JCAD: variants seen among roughly 807,000 people sequenced by gnomAD.
The protein encoded by JCAD is junctional cadherin 5-associated protein.
In JCAD, 40 loss-of-function variants were observed where a neutral mutation model predicts 98.0. That is an observed-to-expected ratio of 0.41 (90% CI 0.32 to 0.53). JCAD has a LOEUF of 0.53. Ranked by LOEUF, JCAD falls within the 20% of genes least tolerant of loss-of-function variation. JCAD has a pLI of 0.31. For synonymous variants in JCAD, 691 were observed against 682.3 expected, an observed-to-expected ratio of 1.01 and a Z score of -0.20; for missense variants, 1,705 against 1,738.1, an observed-to-expected ratio of 0.98 and a Z score of 0.34.
At chr10:30,090,092 C>T (rs1048862189) in intron 1 of JCAD, among the ~76,000 whole-genome samples, 3 of 152,188 alleles carry the variant, frequency 2.0e-5, no homozygotes, top group African/African-American at 7.2e-5. Flanking sequence ...ACCCAAACAG[C>T]TGCTGGGCTC....
intron 3 of JCAD, among the ~76,000 whole-genome samples, chr10:30,025,669 C>T (rs1836774719): frequency 6.6e-6 from 1 of 151,370 alleles, no homozygotes; most frequent in Admixed American, 6.6e-5. Flanking sequence ...CTACTGATCA[C>T]CTGAGCTCAG....
intron 1 of JCAD, among the ~76,000 whole-genome samples, chr10:30,098,201 A>G (rs964342959): frequency 1.3e-5 from 2 of 152,134 alleles, no homozygotes; most frequent in African/African-American, 2.4e-5. Flanking sequence ...GCCTCAGTTT[A>G]TATGACTTCT....
chr10:30,027,521 T>A lies in JCAD; in HGVS notation c.2627A>T (p.Gln876Leu). 1.9e-6 allele frequency: 3 copies of A among 1,612,326 alleles called. No individual in the cohort carries two copies. Among genetic ancestry groups the A allele is most frequent in the East Asian group, 2.2e-5 (1 of 44,884 alleles). Reference sequence around the variant, plus strand: ...GTTTCCGCGGAAGCCCACATCCTCCTGTCTGCAGTGAGCACGGTTCTCCTG... The same window carrying A: ...GTTTCCGCGGAAGCCCACATCCTCCAGTCTGCAGTGAGCACGGTTCTCCTG... ...PQQENRAHCR[Q>L]EDVGFRGNSP... Residue 876 changes from glutamine to leucine, a missense_variant, in exon 3 of 4, where the codon CAG becomes CTG. By Grantham distance (113) the Gln-to-Leu change is moderately radical. Around this residue, in one of 3 missense-constraint regions of JCAD, gnomAD observed 1,278 missense variants for 1,243.1 expected, o/e 1.03. Transcript: ENST00000375377.
chr10:30,105,278 G>T (rs898067387), intron 1 of JCAD, among the ~76,000 whole-genome samples: 13 of 152,056 alleles, frequency 8.5e-5, no homozygotes. Context: ...GAGATTGACT[G>T]TGCTGTCACC....
chr10:30,089,542 G>T (rs1027573201), intron 1 of JCAD, among the ~76,000 whole-genome samples: 3 of 151,794 alleles, frequency 2.0e-5, no homozygotes, highest in Non-Finnish European at 4.4e-5. Flanking sequence ...GTGTGTGTGT[G>T]TGTGTGTGTT....
intron 1 of JCAD, among the ~76,000 whole-genome samples, chr10:30,089,425 A>G (rs2132693207): frequency 6.6e-6 from 1 of 152,132 alleles, no homozygotes; most frequent in South Asian, 2.1e-4. Context: ...CCCATTTGGC[A>G]GTCACTTGCA....
chr10:30,017,511 G>C lies in JCAD; in HGVS notation c.*372C>G. The C allele has an allele frequency of 3.0e-6, 1 of 328,968 alleles. No individual in the cohort carries two copies. 20.4% of individuals were successfully genotyped at this position (328,968 alleles called of 1,614,324 possible). On this transcript the variant is annotated 3_prime_UTR_variant, in exon 4 of 4. Transcript: ENST00000375377. ...ACAGAGGGGAGCACACCATTCACAG[G>C]CCTTTCCAAAGCATTTGCTAGATCT...
At chr10:30,079,167 T>C (rs2132680306) in intron 1 of JCAD, among the ~76,000 whole-genome samples, 1 of 151,950 alleles carries the variant, frequency 6.6e-6, no homozygotes, top group South Asian at 2.1e-4. Flanking sequence ...GAGACCACGG[T>C]GAAACCCCGT....
At chr10:30,091,529 T>G (rs909302912) in intron 1 of JCAD, among the ~76,000 whole-genome samples, 9 of 152,110 alleles carry the variant, frequency 5.9e-5, no homozygotes, top group African/African-American at 2.2e-4. Context: ...CCTCAATAAC[T>G]ATATTTTAAA....
chr10:30,076,601 C>A (rs1034339800), intron 1 of JCAD, among the ~76,000 whole-genome samples: 1 of 149,994 alleles, frequency 6.7e-6, no homozygotes, highest in African/African-American at 2.4e-5. Flanking sequence ...CAGAAAGGGG[C>A]GGTGTCCCAG....
rs750882260 is a variant in JCAD, at chr10:30,029,227, T to C, written c.921A>G (p.Gly307=). ...SYSSHQQSRG[G]ADSSDSQDSQ... is the part of the protein sequence containing the mutation. ...TGTCCTGAGAGTCACTGCTGTCCGC[T>C]CCTCCCCTAGACTGCTGGTGCGAGC... Residue 307 remains glycine (G), a synonymous_variant, in exon 3 of 4, where the codon GGA becomes GGG. Transcript: ENST00000375377. 4.3e-6 allele frequency: 7 copies of C among 1,613,804 alleles called. No individual in the cohort carries two copies.
intron 3 of JCAD, among the ~76,000 whole-genome samples, chr10:30,022,646 A>AG (rs1836687090): frequency 6.6e-6 from 1 of 152,224 alleles, no homozygotes; most frequent in South Asian, 2.1e-4. Flanking sequence ...GGGCCACCTG[A>AG]GCAAAACAAA....
In JCAD at chr10:30,027,445, G is replaced by A. The variant is rs373825944; in HGVS notation, c.2703C>T (p.Ser901=). The change falls in exon 3 of 4, where the codon AGC becomes AGT. Residue 901 remains serine (S), a synonymous_variant. Coordinates refer to ENST00000375377, the MANE Select transcript of JCAD (RefSeq NM_020848.4). ...EPQPRMWVPE[S]PVCRSGRGES... is the part of the protein sequence containing the mutation. ...CACCTCTTCCCGACCTACACACAGG[G>A]CTCTCCGGCACCCACATCCTCGGCT... 3.7e-6 allele frequency: 6 copies of A among 1,604,584 alleles called. No individual in the cohort carries two copies. The highest frequency in any genetic ancestry group is 5.1e-6 in the Non-Finnish European group (6 of 1,179,980).
intron 1 of JCAD, among the ~76,000 whole-genome samples, chr10:30,070,726 A>G (rs1218302474): frequency 6.6e-6 from 1 of 152,200 alleles, no homozygotes; most frequent in East Asian, 1.9e-4. Flanking sequence ...ACATCTTGGA[A>G]CAAACGCTAT....
intron 1 of JCAD, among the ~76,000 whole-genome samples, chr10:30,109,747 G>A (rs1838654263): frequency 6.6e-6 from 1 of 152,160 alleles, no homozygotes; most frequent in African/African-American, 2.4e-5. Context: ...ATAGGCCCCC[G>A]ATGTATGGAC....
intron 1 of JCAD, among the ~76,000 whole-genome samples, chr10:30,073,726 C>T (rs1006185873): frequency 5.2e-5 from 5 of 96,172 alleles, no homozygotes; most frequent in Admixed American, 2.4e-4. Flanking sequence ...TCTTTCCTTC[C>T]TTCCTTCCCT....
intron 1 of JCAD, among the ~76,000 whole-genome samples, chr10:30,103,869 T>C (rs1025901377): frequency 6.6e-6 from 1 of 151,942 alleles, no homozygotes; most frequent in African/African-American, 2.4e-5. Flanking sequence ...GTAGCTGGGA[T>C]TACAGGCATG....
rs575980063 is a variant in JCAD, at chr10:30,075,305, G to A, written n.129-5484C>T. ...AATCCTAGTTCCCCTCTGATATTAT[G>A]AGGAAGCTGATCCCATATAAGCTTA... On this transcript the variant is annotated intron_variant and non_coding_transcript_variant, in intron 1 of 2. Coordinates refer to the JCAD transcript ENST00000465712. Among the ~76,000 whole-genome samples, 3 of 152,246 alleles carry A rather than the reference G, an allele frequency of 2.0e-5. No homozygotes were observed. The East Asian group carries it at 5.8e-4, about 29-fold the overall frequency.
intron 1 of JCAD, among the ~76,000 whole-genome samples, chr10:30,086,521 G>T (rs935458165): frequency 6.6e-6 from 1 of 152,222 alleles, no homozygotes; most frequent in Non-Finnish European, 1.5e-5. Flanking sequence ...ATCTTCAGCA[G>T]TGAATTCAGC....
Sources: gnomAD v4.1 joint callset for allele counts (sites outside exome capture counted in the v4.1 genomes callset) on GRCh38, gnomAD v4.1.1 for gene constraint, gnomAD v4.1.1 regional missense constraint, MANE v1.5 for transcripts, NCBI Gene and HGNC (gene_info 2026-07-23, HGNC 2026-07-21) for gene names.